The following BAZ1A variants were observed in gnomAD, a reference collection of about 807,000 sequenced individuals.
BAZ1A encodes bromodomain adjacent to zinc finger domain protein 1A.
A neutral mutation model predicts 185.2 loss-of-function variants in BAZ1A; 50 were observed. That is an observed-to-expected ratio of 0.27 (90% confidence interval 0.22 to 0.34). The LOEUF is 0.34. Among genes scored for constraint, BAZ1A ranks in the 10% least tolerant of loss-of-function variants. BAZ1A has a pLI of 1.00. For synonymous variants in BAZ1A, 571 were observed against 615.6 expected (o/e 0.93, Z 1.07); for missense variants, 1,356 against 1,839.9 (o/e 0.74, Z 4.81).
chr14:34,854,515 T>C (rs7142012), intron 3 of BAZ1A, among the ~76,000 whole-genome samples: 30,821 of 151,868 alleles, frequency 0.2, 3,781 homozygotes, highest in Non-Finnish European at 0.26. Flanking sequence ...TTAAAGTCAA[T>C]AGAAAAAAAA....
chr14:34,793,669 G>T (rs995589283), intron 11 of BAZ1A, among the ~76,000 whole-genome samples: 1 of 151,874 alleles, frequency 6.6e-6, no homozygotes, highest in African/African-American at 2.4e-5. Context: ...ATTGGGCCAG[G>T]TGTGGTGGCT....
At chr14:34,853,335 T>C (rs1247956208) in intron 3 of BAZ1A, among the ~76,000 whole-genome samples, 1 of 152,228 alleles carries the variant, frequency 6.6e-6, no homozygotes, top group Non-Finnish European at 1.5e-5. Context: ...TTCTTTCCCC[T>C]ATCTTTGCCA....
chr14:34,867,973 A>G (rs1420178271), intron 2 of BAZ1A, among the ~76,000 whole-genome samples: 1 of 152,234 alleles, frequency 6.6e-6, no homozygotes, highest in Non-Finnish European at 1.5e-5. Context: ...CAAGAAATAC[A>G]TTTTACTACT....
chr14:34,817,453 TGGCAC>T (rs1196038191), intron 4 of BAZ1A, among the ~76,000 whole-genome samples: 3 of 152,198 alleles, frequency 2.0e-5, no homozygotes, highest in Non-Finnish European at 2.9e-5. Flanking sequence ...CTGGAGGTGT[TGGCAC>T]ACACCTGTAA....
intron 6 of BAZ1A, among the ~76,000 whole-genome samples, chr14:34,803,217 A>G (rs1594856668): frequency 6.6e-6 from 1 of 152,110 alleles, no homozygotes; most frequent in East Asian, 1.9e-4. Context: ...CATCTCTACT[A>G]AAAATACAAA....
chr14:34,813,208 C>G (rs2041955188), intron 4 of BAZ1A, among the ~76,000 whole-genome samples: 1 of 120,812 alleles, frequency 8.3e-6, no homozygotes, highest in Non-Finnish European at 1.8e-5. Flanking sequence ...CATGGGGAAA[C>G]CTACAAAACA....
chr14:34,776,776 A>T (rs1007996694), intron 17 of BAZ1A, among the ~76,000 whole-genome samples: 1 of 152,220 alleles, frequency 6.6e-6, no homozygotes, highest in African/African-American at 2.4e-5. Flanking sequence ...AGATCTTGTT[A>T]TCTGACATGC....
chr14:34,802,994 T>C lies in BAZ1A; in HGVS notation c.727-6A>G, dbSNP rs1263593743. ...TACGTTGAAAGAGATGATGCCTTAA[T>C]AAAACAAAGACATAGGGTACAATAA... On this transcript the variant is annotated splice_polypyrimidine_tract_variant and splice_region_variant and intron_variant, in intron 6 of 26. Transcript: ENST00000360310. 6.2e-7 allele frequency: 1 copy of C among 1,606,022 alleles called. No homozygotes were observed.
Position 34,832,452 on chromosome 14 carries a change from C to CAA in BAZ1A, c.393-6298_393-6297dup, listed in dbSNP as rs34242045. Among the ~76,000 whole-genome samples the CAA allele has an allele frequency of 1.7e-4, 24 of 141,016 alleles. No homozygotes were observed. The East Asian group carries it at 4.8e-3, about 28-fold the overall frequency. The allele number at this position is 141,016 out of a possible 152,430, so 92.5% of individuals were successfully genotyped here. ...GAATATATGAAGAACTCTCACAACTCAAAAAAAAAAAAACCCCAAACCACT... is the reference window on the plus strand; with the variant it reads ...GAATATATGAAGAACTCTCACAACTCAAAAAAAAAAAAAAACCCCAAACCACT... On this transcript the variant is annotated intron_variant, in intron 3 of 26. Transcript: ENST00000360310.
chr14:34,778,742 TCTTAA>T (rs1209072334), intron 17 of BAZ1A, among the ~76,000 whole-genome samples: 7 of 152,334 alleles, frequency 4.6e-5, no homozygotes, highest in Non-Finnish European at 8.8e-5. Flanking sequence ...CCCCTTTCAG[TCTTAA>T]CTTTATTATG....
chr14:34,842,142 T>G (rs1361741109), intron 3 of BAZ1A, among the ~76,000 whole-genome samples: 1 of 152,088 alleles, frequency 6.6e-6, no homozygotes, highest in Non-Finnish European at 1.5e-5. Context: ...ACTTACTGAA[T>G]GGATTATATA....
intron 3 of BAZ1A, among the ~76,000 whole-genome samples, chr14:34,861,830 A>G (rs1023083182): frequency 6.6e-6 from 1 of 152,232 alleles, no homozygotes; most frequent in Non-Finnish European, 1.5e-5. Context: ...ATACACATAC[A>G]GACGCATGCA....
chr14:34,773,735 A>G lies in BAZ1A; in HGVS notation c.2998-9T>C. On this transcript the variant is annotated splice_polypyrimidine_tract_variant and intron_variant, in intron 19 of 26. Transcript: ENST00000360310. ...ATATGTCGATCTGTAACCTGTAACA[A>G]AATTCAAACTTACTAACCATGAAAA... 6.2e-7 allele frequency: 1 copy of G among 1,612,858 alleles called. No individual in the cohort carries two copies. The highest frequency in any genetic ancestry group is 8.5e-7 in the Non-Finnish European group (1 of 1,179,628).
intron 13 of BAZ1A, 58 bp downstream of exon 13, chr14:34,786,068 G>A (rs1594837601): frequency 6.4e-7 from 1 of 1,563,656 alleles, no homozygotes; most frequent in East Asian, 2.3e-5. Flanking sequence ...ATGTAAATGT[G>A]CCTTTATAAA....
rs1330267283 is a variant in BAZ1A, at chr14:34,762,535, A to AG, written c.3777-313dup. Among the ~76,000 whole-genome samples, 3 of 150,732 alleles carry AG rather than the reference A, an allele frequency of 2.0e-5. No homozygotes were observed. In the East Asian group the frequency reaches 5.8e-4, roughly 29 times the overall value. On this transcript the variant is annotated intron_variant, in intron 23 of 26. Coordinates refer to ENST00000360310, the MANE Select transcript of BAZ1A (RefSeq NM_013448.3). ...ACTGTCACCCAGGCTGGAGTGCTGT[A>AG]GTACGATCACGGCTCACTGCAGCCT... is the stretch of plus-strand genomic sequence containing the variant.
intron 3 of BAZ1A, among the ~76,000 whole-genome samples, chr14:34,833,975 A>G (rs1463540148): frequency 1.3e-5 from 2 of 152,202 alleles, no homozygotes; most frequent in East Asian, 3.8e-4. Context: ...AATGATGTCT[A>G]AAGAACTGCA....
intron 9 of BAZ1A, among the ~76,000 whole-genome samples, chr14:34,799,323 T>C (rs1022508641): frequency 1.3e-4 from 20 of 152,054 alleles, no homozygotes; most frequent in Non-Finnish European, 2.8e-4. Context: ...ACATGGCACA[T>C]GTATACCTAT....
intron 3 of BAZ1A, among the ~76,000 whole-genome samples, chr14:34,858,545 C>A (rs1423822448): frequency 6.6e-6 from 1 of 152,088 alleles, no homozygotes; most frequent in Non-Finnish European, 1.5e-5. Context: ...GAACTCCTGA[C>A]CTCAGGTGAT....
chr14:34,756,647 G>T (rs538702919), intron 25 of BAZ1A, among the ~76,000 whole-genome samples: 26 of 151,682 alleles, frequency 1.7e-4, no homozygotes, highest in South Asian at 4.2e-4. Context: ...TGCATTTTTA[G>T]TAGAGATGGG....
Sources: allele counts gnomAD v4.1 joint callset (sites outside exome capture counted in the v4.1 genomes callset), GRCh38; gene constraint gnomAD v4.1.1; transcripts MANE v1.5; gene names NCBI Gene and HGNC (gene_info 2026-07-23, HGNC 2026-07-21).